NCKAP5: variants seen among roughly 807,000 people sequenced by gnomAD.
The protein encoded by NCKAP5 is NCK associated protein 5.
NCKAP5 carries 92 observed loss-of-function variants against 167.0 expected under a neutral mutation model. The observed-to-expected ratio is 0.55, with a 90% CI of 0.47 to 0.66. The LOEUF (loss-of-function observed/expected upper bound fraction) is 0.66, where lower values mean the gene tolerates loss of function less well. NCKAP5 is among the 30% of genes least tolerant of loss of function. NCKAP5 has a pLI of 0.00. For synonymous variants in NCKAP5, 891 were observed against 877.4 expected (o/e 1.02, Z -0.27); for missense variants, 2,378 against 2,315.0 (o/e 1.03, Z -0.56).
chr2:132,921,679 T>C (rs574652084), intron 8 of NCKAP5, among the ~76,000 whole-genome samples: 2 of 152,290 alleles, frequency 1.3e-5, no homozygotes, highest in South Asian at 2.1e-4. Context: ...ATAGCATCAG[T>C]TGATGTTTCC....
intron 19 of NCKAP5, among the ~76,000 whole-genome samples, chr2:132,723,173 T>C (rs1220989204): frequency 8.3e-6 from 1 of 120,796 alleles, no homozygotes; most frequent in Non-Finnish European, 1.6e-5. Context: ...TGAGACAGAG[T>C]CTTGCTCTGT....
At chr2:132,794,259 TATATAGAGAG>T (rs1355660563) in intron 12 of NCKAP5, among the ~76,000 whole-genome samples, 28 of 31,708 alleles carry the variant, frequency 8.8e-4, no homozygotes, top group East Asian at 3.7e-3. Flanking sequence ...TATATATATA[TATATAGAGAG>T]AGAGAGAGAG....
the NCKAP5 span, among the ~76,000 whole-genome samples, chr2:133,622,810 T>C: frequency 6.6e-6 from 1 of 151,998 alleles, no homozygotes; most frequent in African/African-American, 2.4e-5. Flanking sequence ...AATCCTAATA[T>C]TCATATGGAA....
chr2:133,132,740 G>A (rs1243780264), intron 5 of NCKAP5, among the ~76,000 whole-genome samples: 5 of 149,414 alleles, frequency 3.3e-5, no homozygotes, highest in Non-Finnish European at 3.0e-5. Context: ...GCAGTGGCGC[G>A]ATCTCAGCTC....
At position 132,781,931 on chromosome 2, in the gene NCKAP5, G is replaced by A; in HGVS notation, c.4871+9C>T. The A allele has an allele frequency of 6.2e-7, 1 of 1,600,372 alleles. No individual in the cohort carries two copies. The highest frequency in any genetic ancestry group is 8.5e-7 in the Non-Finnish European group (1 of 1,171,922). On this transcript the variant is annotated intron_variant, in intron 14 of 19. Coordinates refer to ENST00000409261, the MANE Select transcript of NCKAP5 (RefSeq NM_207363.3). ...CTCTACATTGCTACCTGCTTTTCCA[G>A]TGAGTTACCTGTTCAAGAGTTCCGT...
At chr2:132,925,782 T>G (rs973833120) in intron 8 of NCKAP5, among the ~76,000 whole-genome samples, 1 of 152,056 alleles carries the variant, frequency 6.6e-6, no homozygotes, top group African/African-American at 2.4e-5. Flanking sequence ...TCATCTTCAA[T>G]AGTTGAGGAA....
intron 8 of NCKAP5, among the ~76,000 whole-genome samples, chr2:132,928,694 T>C (rs796527249): frequency 6.6e-6 from 1 of 152,248 alleles, no homozygotes; most frequent in African/African-American, 2.4e-5. Context: ...AATTTGAACA[T>C]AACTATTAAA....
chr2:133,160,435 TTTTC>T lies in NCKAP5; in HGVS notation c.208-30328_208-30325del, dbSNP rs1172713321. Among the ~76,000 whole-genome samples the T allele has an allele frequency of 3.1e-3, 263 of 84,248 alleles. 2 individuals are homozygous for T. Among genetic ancestry groups the T allele is most frequent in the African/African-American group, 0.014 (233 of 16,786 alleles). The allele number at this position is 84,248 out of a possible 152,430, so 55.3% of individuals were successfully genotyped here. On this transcript the variant is annotated intron_variant, in intron 5 of 19. Coordinates refer to ENST00000409261, the MANE Select transcript of NCKAP5 (RefSeq NM_207363.3). ...TTTTTTTTTTTTTCTTTTCCTTTCTTTTTCTTTTTTTTTTTTTTAGCAGCGTTTA... is the reference window on the plus strand; with the variant it reads ...TTTTTTTTTTTTTCTTTTCCTTTCTTTTTTTTTTTTTTTTAGCAGCGTTTA...
chr2:133,147,215 CT>C (rs1191172598), intron 5 of NCKAP5, among the ~76,000 whole-genome samples: 1 of 152,132 alleles, frequency 6.6e-6, no homozygotes, highest in Non-Finnish European at 1.5e-5. Context: ...CCAGTGTTTA[CT>C]AAATATTAAT....
At chr2:133,069,403 A>G (rs939853874) in intron 6 of NCKAP5, among the ~76,000 whole-genome samples, 2 of 152,138 alleles carry the variant, frequency 1.3e-5, no homozygotes, top group Non-Finnish European at 2.9e-5. Context: ...AGAGATCCCT[A>G]CTAAAAGAGA....
intron 3 of NCKAP5, among the ~76,000 whole-genome samples, chr2:133,440,052 G>A (rs957098316): frequency 1.3e-5 from 2 of 152,062 alleles, no homozygotes; most frequent in African/African-American, 4.8e-5. Context: ...ACTGTCTCAT[G>A]TTTCTGTTTG....
intron 5 of NCKAP5, among the ~76,000 whole-genome samples, chr2:133,135,619 A>C (rs1448223122): frequency 6.6e-6 from 1 of 151,794 alleles, no homozygotes; most frequent in Non-Finnish European, 1.5e-5. Context: ...TTAAATATTT[A>C]AAATAAATAT....
In NCKAP5 at chr2:133,080,519, T is replaced by C. The variant is rs11892213; in HGVS notation, c.341+49459A>G. ...CCGTTGCTTACATGTTGTCTACAGC[T>C]GCTTTTATGCTACAATGGCAGAGGT... On this transcript the variant is annotated intron_variant, in intron 6 of 19. Transcript: ENST00000409261. 5.7e-3 allele frequency among the ~76,000 whole-genome samples: 866 copies of C among 152,318 alleles called. 8 individuals carry two copies. Among genetic ancestry groups the C allele is most frequent in the African/African-American group, 0.019 (778 of 41,572 alleles).
At chr2:132,842,530 C>T (rs1364575869) in intron 11 of NCKAP5, among the ~76,000 whole-genome samples, 4 of 151,680 alleles carry the variant, frequency 2.6e-5, no homozygotes, top group African/African-American at 9.7e-5. Flanking sequence ...TTGAGGATAT[C>T]CAACTTCCAT....
At chr2:132,925,484 C>T (rs1695796275) in intron 8 of NCKAP5, among the ~76,000 whole-genome samples, 1 of 150,414 alleles carries the variant, frequency 6.6e-6, no homozygotes, top group Non-Finnish European at 1.5e-5. Context: ...ATGGCGTGAA[C>T]CTGGGAGGCG....
chr2:132,960,085 G>A (rs1010382384), intron 8 of NCKAP5, among the ~76,000 whole-genome samples: 1 of 152,152 alleles, frequency 6.6e-6, no homozygotes, highest in African/African-American at 2.4e-5. Flanking sequence ...TGAAAAGCTG[G>A]CAACAGCTGA....
chr2:132,818,797 G>A (rs1432494513), intron 11 of NCKAP5, among the ~76,000 whole-genome samples: 1 of 152,170 alleles, frequency 6.6e-6, no homozygotes, highest in African/African-American at 2.4e-5. Flanking sequence ...AAACTACAGT[G>A]CTATAAACTT....
intron 11 of NCKAP5, among the ~76,000 whole-genome samples, chr2:132,814,667 A>T (rs1686127480): frequency 6.6e-6 from 1 of 152,180 alleles, no homozygotes; most frequent in Admixed American, 6.5e-5. Context: ...TGATCTCAAG[A>T]CTTTCAACTC....
intron 16 of NCKAP5, among the ~76,000 whole-genome samples, chr2:132,733,417 T>C (rs983807663): frequency 1.3e-5 from 2 of 152,210 alleles, no homozygotes; most frequent in Non-Finnish European, 2.9e-5. Flanking sequence ...CAGAGGCTTG[T>C]GGTGTGATCT....
Sources: gnomAD v4.1 joint callset for allele counts (sites outside exome capture counted in the v4.1 genomes callset) on GRCh38, gnomAD v4.1.1 for gene constraint, MANE v1.5 for transcripts, NCBI Gene and HGNC (gene_info 2026-07-23, HGNC 2026-07-21) for gene names.